AKT3: variants seen among roughly 807,000 people sequenced by gnomAD.
AKT3 encodes AKT serine/threonine kinase 3.
AKT3 carries 15 observed loss-of-function variants against 65.3 expected under a neutral mutation model. The observed-to-expected ratio is 0.23, with a 90% CI of 0.15 to 0.35. The LOEUF (loss-of-function observed/expected upper bound fraction) is 0.35, where lower values mean the gene tolerates loss of function less well. AKT3 is among the 10% of genes least tolerant of loss of function. AKT3 has a pLI of 1.00. For missense variants in AKT3, 243 were observed against 576.5 expected (o/e 0.42, Z 5.92); for synonymous variants, 206 against 183.8 (o/e 1.12, Z -0.98).
intron 4 of AKT3, among the ~76,000 whole-genome samples, chr1:243,654,155 A>G (rs1681586323): frequency 6.6e-6 from 1 of 152,100 alleles, no homozygotes; most frequent in South Asian, 2.1e-4. Flanking sequence ...TAGTAATTGT[A>G]ACTTAAATTA....
chr1:243,549,812 T>C (rs963467884), intron 11 of AKT3, among the ~76,000 whole-genome samples: 1 of 152,184 alleles, frequency 6.6e-6, no homozygotes, highest in African/African-American at 2.4e-5. Context: ...TACCTTTTCA[T>C]GACACAAATC....
At chr1:243,593,504 T>C (rs557136081) in intron 8 of AKT3, among the ~76,000 whole-genome samples, 51 of 152,282 alleles carry the variant, frequency 3.3e-4, no homozygotes, top group Admixed American at 2.4e-3. Flanking sequence ...CTAGCTAACA[T>C]AGTGAAACCC....
intron 8 of AKT3, among the ~76,000 whole-genome samples, chr1:243,580,341 T>G (rs1282999806): frequency 6.6e-6 from 1 of 152,174 alleles, no homozygotes; most frequent in Non-Finnish European, 1.5e-5. Flanking sequence ...GAGAGCACTT[T>G]GTTTCTCCCA....
At chr1:243,841,998 G>C (rs1362523947) in intron 2 of AKT3, among the ~76,000 whole-genome samples, 1 of 152,114 alleles carries the variant, frequency 6.6e-6, no homozygotes, top group Non-Finnish European at 1.5e-5. Flanking sequence ...GGTTGCCAGG[G>C]TTAAGGGATG....
chr1:243,777,542 G>A (rs546602050), intron 2 of AKT3, among the ~76,000 whole-genome samples: 1 of 152,294 alleles, frequency 6.6e-6, no homozygotes, highest in Admixed American at 6.5e-5. Context: ...ATCACTAGTG[G>A]AAGTAACATA....
chr1:243,831,622 G>A (rs1406753065), intron 2 of AKT3, among the ~76,000 whole-genome samples: 1 of 152,134 alleles, frequency 6.6e-6, no homozygotes, highest in Admixed American at 6.5e-5. Context: ...AGAAACTATG[G>A]AAACAGTTAC....
At chr1:243,803,896 T>C (rs979672161) in intron 2 of AKT3, among the ~76,000 whole-genome samples, 15 of 152,166 alleles carry the variant, frequency 9.9e-5, no homozygotes, top group African/African-American at 3.4e-4. Context: ...CTCTGAAATT[T>C]ACCATATAAC....
chr1:243,604,673 T>G (rs1321639365), intron 8 of AKT3, among the ~76,000 whole-genome samples: 4 of 152,230 alleles, frequency 2.6e-5, no homozygotes, highest in Admixed American at 2.0e-4. Context: ...TTCATTAAAG[T>G]GCTCATTCTC....
intron 4 of AKT3, among the ~76,000 whole-genome samples, chr1:243,646,362 T>TA (rs201712546): frequency 8.1e-6 from 1 of 123,580 alleles, no homozygotes. Flanking sequence ...TATATCCTAC[T>TA]TTTTTTTTTT....
rs1669479367 is a variant in AKT3, at chr1:243,503,635, T to A, written c.*1614A>T. The stretch of plus-strand genomic sequence containing the variant: ...ATGAAGGAGAAAGATGAGGTTTGCA[T>A]ACATGCCCCCTTTCAGTGAGAAATG... On this transcript the variant is annotated 3_prime_UTR_variant, in exon 14 of 14. Transcript: ENST00000673466. 4.3e-6 allele frequency: 1 copy of A among 232,304 alleles called. No individual in the cohort carries two copies. Among genetic ancestry groups the A allele is most frequent in the Non-Finnish European group, 8.5e-6 (1 of 117,220 alleles). The allele number at this position is 232,304 out of a possible 1,614,324, so 14.4% of individuals were successfully genotyped here.
At chr1:243,571,135 C>T (rs1437426970) in intron 9 of AKT3, among the ~76,000 whole-genome samples, 1 of 151,846 alleles carries the variant, frequency 6.6e-6, no homozygotes, top group Non-Finnish European at 1.5e-5. Context: ...TGGCCAACTC[C>T]GTGAAACCCT....
intron 2 of AKT3, among the ~76,000 whole-genome samples, chr1:243,749,749 C>A (rs1688686162): frequency 6.6e-6 from 1 of 152,144 alleles, no homozygotes; most frequent in Non-Finnish European, 1.5e-5. Flanking sequence ...ATTTTCTTTC[C>A]TTTTATCAAA....
intron 3 of AKT3, among the ~76,000 whole-genome samples, chr1:243,668,288 G>T (rs1480236890): frequency 1.3e-5 from 2 of 152,084 alleles, no homozygotes; most frequent in African/African-American, 2.4e-5. Flanking sequence ...AAGCAAGAAG[G>T]GATTAAATTT....
intron 8 of AKT3, among the ~76,000 whole-genome samples, chr1:243,585,140 C>T (rs2148536012): frequency 6.6e-6 from 1 of 151,794 alleles, no homozygotes; most frequent in Non-Finnish European, 1.5e-5. Flanking sequence ...TTTACAATAG[C>T]CACACACACA....
intron 4 of AKT3, among the ~76,000 whole-genome samples, chr1:243,655,418 T>C (rs1040928980): frequency 1.3e-5 from 2 of 152,198 alleles, no homozygotes; most frequent in Non-Finnish European, 2.9e-5. Flanking sequence ...TTCTTTTATC[T>C]AGAGTTCCTA....
chr1:243,733,377 T>C (rs1348162051), intron 2 of AKT3, among the ~76,000 whole-genome samples: 1 of 152,158 alleles, frequency 6.6e-6, no homozygotes, highest in East Asian at 1.9e-4. Context: ...ATTCTAAAAG[T>C]CTATCAATTA....
intron 2 of AKT3, among the ~76,000 whole-genome samples, chr1:243,800,543 C>A (rs1043839566): frequency 1.3e-5 from 2 of 152,102 alleles, no homozygotes; most frequent in African/African-American, 2.4e-5. Context: ...CATGGTGAAA[C>A]CCCGTCTCTA....
chr1:243,818,626 T>C (rs147500795), intron 2 of AKT3, among the ~76,000 whole-genome samples: 10 of 152,234 alleles, frequency 6.6e-5, no homozygotes, highest in African/African-American at 2.2e-4. Flanking sequence ...TACCCAACAA[T>C]TGATGAAAAC....
intron 3 of AKT3, among the ~76,000 whole-genome samples, chr1:243,677,925 A>G (rs1683639698): frequency 1.3e-5 from 2 of 152,042 alleles, no homozygotes; most frequent in Admixed American, 1.3e-4. Context: ...CATCTCTACT[A>G]AAAATACAAA....
Sources: allele counts gnomAD v4.1 joint callset (sites outside exome capture counted in the v4.1 genomes callset), GRCh38; gene constraint gnomAD v4.1.1; transcripts MANE v1.5; gene names NCBI Gene and HGNC (gene_info 2026-07-23, HGNC 2026-07-21).